The following KCNQ1 variants were observed in gnomAD, a reference collection of about 807,000 sequenced individuals.
KCNQ1 encodes the protein potassium voltage-gated channel subfamily KQT member 1.
In KCNQ1, 49 loss-of-function variants were observed where a neutral mutation model predicts 72.4. The ratio of observed to expected loss-of-function variants is 0.68; its 90% CI spans 0.54 to 0.86. The LOEUF is 0.86. Ranked by LOEUF, KCNQ1 falls within the 40% of genes least tolerant of loss-of-function variation. The pLI, the probability that KCNQ1 is intolerant of heterozygous loss-of-function variation, is 0.00. For synonymous variants in KCNQ1, 450 were observed against 412.6 expected, an observed-to-expected ratio of 1.09 and a Z score of -1.10; for missense variants, 790 against 945.1, an observed-to-expected ratio of 0.84 and a Z score of 2.15.
rs1849232499 is a variant in KCNQ1, at chr11:2,624,596, T to C, written c.1393+35742T>C. 3.0e-5 allele frequency: 12 copies of C among 398,400 alleles called. No homozygotes were observed. Among genetic ancestry groups the C allele is most frequent in the Non-Finnish European group, 5.3e-5 (12 of 226,042 alleles). The allele number at this position is 398,400 out of a possible 1,614,324, so 24.7% of individuals were successfully genotyped here. On this transcript the variant is annotated intron_variant, in intron 10 of 15. Transcript: ENST00000155840. The surrounding 1 kb of genome is among the most constrained non-coding windows in gnomAD (Gnocchi z 4.9). ...GGCAAAATACACTTAACATAAAAAT[T>C]ACCATCCTAACCAATTTTAGTGTAC...
intron 11 of KCNQ1, among the ~76,000 whole-genome samples, chr11:2,742,024 T>A (rs763769798): frequency 6.6e-6 from 1 of 152,232 alleles, no homozygotes; most frequent in Non-Finnish European, 1.5e-5. Flanking sequence ...TGAGTCAGCG[T>A]TGACTGTTTA....
rs563328539 is a variant in KCNQ1, at chr11:2,724,820, G to A, written c.1515-44024G>A. 4.5e-4 allele frequency among the ~76,000 whole-genome samples: 68 copies of A among 152,326 alleles called. No individual in the cohort carries two copies. The highest frequency in any genetic ancestry group is 8.1e-4 in the Non-Finnish European group (55 of 68,032). On this transcript the variant is annotated intron_variant, in intron 11 of 15. Transcript: ENST00000155840. This position sits in a 1 kb window ranked among gnomAD's most constrained non-coding sequence, Gnocchi z 6.8. ...CACTGGGCTGAAGCTTCTGGCCATC[G>A]TATGGAGCTGGAACAAGGCACTGGA...
At chr11:2,630,172 TGA>T (rs1366191213) in intron 10 of KCNQ1, 2 of 398,250 alleles carry the variant, frequency 5.0e-6, no homozygotes, top group African/African-American at 2.1e-5. Context: ...CTTATCAAAA[TGA>T]TTGTATGATT....
chr11:2,589,506 G>A lies in KCNQ1; in HGVS notation c.1393+652G>A, dbSNP rs994329171. Among the ~76,000 whole-genome samples the A allele has an allele frequency of 2.6e-5, 4 of 152,202 alleles. No homozygotes were observed. The East Asian group carries it at 5.8e-4, about 22-fold the overall frequency. ...TGAGGGGTTTTACCCACGCTAACTC[G>A]TAAGCGTGGCTCTTTGACAGATGTG... On this transcript the variant is annotated intron_variant, in intron 10 of 15. Coordinates refer to ENST00000155840, the MANE Select transcript of KCNQ1 (RefSeq NM_000218.3).
At position 2,845,025 on chromosome 11, in the gene KCNQ1, G is replaced by A. The variant is rs527568851; in HGVS notation, c.1795-2742G>A. Reference sequence around the variant, plus strand: ...TGCACCTTTGATCTGCTACGCTCTCGTAGGTCTCTGGGCCTCAGTTTCCTC... The same window carrying A: ...TGCACCTTTGATCTGCTACGCTCTCATAGGTCTCTGGGCCTCAGTTTCCTC... On this transcript the variant is annotated intron_variant, in intron 15 of 15. Transcript: ENST00000155840. Among the ~76,000 whole-genome samples the A allele has an allele frequency of 5.3e-5, 8 of 152,134 alleles. No individual in the cohort carries two copies. The East Asian group carries it at 5.8e-4, about 11-fold the overall frequency.
intron 1 of KCNQ1, among the ~76,000 whole-genome samples, chr11:2,449,366 G>A (rs1846091542): frequency 6.6e-6 from 1 of 152,190 alleles, no homozygotes; most frequent in African/African-American, 2.4e-5. Context: ...TATAACGTGC[G>A]GGCTGCGTTG....
rs572963238 is a variant in KCNQ1 at position 2,758,635 on chromosome 11, G to C, written c.1515-10209G>C. On this transcript the variant is annotated intron_variant, in intron 11 of 15. Coordinates refer to ENST00000155840, the MANE Select transcript of KCNQ1 (RefSeq NM_000218.3). ...TTTATAGAAGCTTTATTCCTAACTA[G>C]CTGAAAGCTGAGAACAATCTATGTA... Among the ~76,000 whole-genome samples the C allele has an allele frequency of 4.6e-5, 7 of 152,304 alleles. No homozygotes were observed. The South Asian group carries it at 1.4e-3, about 32-fold the overall frequency.
intron 11 of KCNQ1, chr11:2,665,318 G>A (rs1166397877): frequency 2.5e-6 from 1 of 398,206 alleles, no homozygotes; most frequent in Non-Finnish European, 4.4e-6. Flanking sequence ...AGAGAAAGGT[G>A]GGAAGTAGAG....
intron 10 of KCNQ1, among the ~76,000 whole-genome samples, chr11:2,607,912 G>A (rs1589978789): frequency 6.6e-6 from 1 of 152,018 alleles, no homozygotes. Context: ...CACAGTTATT[G>A]TAATGAAATA....
chr11:2,657,805 T>C lies in KCNQ1; in HGVS notation c.1394-4156T>C. On this transcript the variant is annotated intron_variant, in intron 10 of 15. Transcript: ENST00000155840. The surrounding 1 kb of genome is among the most constrained non-coding windows in gnomAD (Gnocchi z 4.8). ...TTGAAGAATACCAGTCAGGTGTCATTGTCCCTCAGTTTGGATTTGTCTGGT... is the reference window on the plus strand; with the variant it reads ...TTGAAGAATACCAGTCAGGTGTCATCGTCCCTCAGTTTGGATTTGTCTGGT... 1 of 398,626 alleles carries C rather than the reference T, an allele frequency of 2.5e-6. No homozygotes were observed. The highest frequency in any genetic ancestry group is 3.6e-5 in the East Asian group (1 of 28,082). 24.7% of individuals were successfully genotyped at this position (398,626 alleles called of 1,614,324 possible).
intron 1 of KCNQ1, among the ~76,000 whole-genome samples, chr11:2,519,864 C>T (rs548413879): frequency 5.8e-4 from 89 of 152,224 alleles, no homozygotes; most frequent in South Asian, 2.5e-3. Context: ...CTGAGGGTCC[C>T]GAGAGGCGTG....
chr11:2,452,698 A>G (rs1332741458), intron 1 of KCNQ1, among the ~76,000 whole-genome samples: 1 of 152,222 alleles, frequency 6.6e-6, no homozygotes, highest in Non-Finnish European at 1.5e-5. Flanking sequence ...TGGCTCAAAT[A>G]TTATAAAACA....
chr11:2,821,967 G>A (rs1234679941), intron 15 of KCNQ1, among the ~76,000 whole-genome samples: 1 of 152,156 alleles, frequency 6.6e-6, no homozygotes, highest in Non-Finnish European at 1.5e-5. Context: ...CAGAGATGGG[G>A]AGATGATCCT....
intron 11 of KCNQ1, among the ~76,000 whole-genome samples, chr11:2,731,278 G>C (rs530594073): frequency 1.3e-5 from 2 of 152,344 alleles, no homozygotes; most frequent in Admixed American, 1.3e-4. Context: ...AATCCAAGGG[G>C]CCTCACCGCC....
intron 11 of KCNQ1, among the ~76,000 whole-genome samples, chr11:2,719,070 G>T (rs1851156845): frequency 6.6e-6 from 1 of 152,222 alleles, no homozygotes; most frequent in African/African-American, 2.4e-5. Flanking sequence ...GCTGGGGCAG[G>T]AGGCCCTGTG....
intron 11 of KCNQ1, among the ~76,000 whole-genome samples, chr11:2,727,907 G>T (rs975743431): frequency 6.6e-6 from 1 of 152,148 alleles, no homozygotes; most frequent in Non-Finnish European, 1.5e-5. Context: ...GGCAGAGGGA[G>T]CATCTGATGG....
chr11:2,690,060 T>G lies in KCNQ1; in HGVS notation c.1514+27979T>G. ...CTGCCTCTCCTCCCCTCTCCTAGCC[T>G]GCTTCTGTCTGGGCTGAAGGCACAG... On this transcript the variant is annotated intron_variant, in intron 11 of 15. Coordinates refer to ENST00000155840, the MANE Select transcript of KCNQ1 (RefSeq NM_000218.3). This position sits in a 1 kb window ranked among gnomAD's most constrained non-coding sequence, Gnocchi z 5.1. 1 of 398,890 alleles carries G rather than the reference T, an allele frequency of 2.5e-6. No homozygotes were observed. The highest frequency in any genetic ancestry group is 3.6e-5 in the East Asian group (1 of 28,074). The allele number at this position is 398,890 out of a possible 1,614,324, so 24.7% of individuals were successfully genotyped here.
Position 2,588,658 on chromosome 11 carries a change from A to G in KCNQ1, c.1252-55A>G. The G allele has an allele frequency of 1.9e-6, 3 of 1,606,838 alleles. No homozygotes were observed. The highest frequency in any genetic ancestry group is 2.5e-6 in the Non-Finnish European group (3 of 1,177,320). On this transcript the variant is annotated intron_variant, in intron 9 of 15. Transcript: ENST00000155840. This position sits in a 1 kb window ranked among gnomAD's most constrained non-coding sequence, Gnocchi z 5.6. ...TGCACAGGCACTCTGGGGCCGGCGTAGGGCCTGGCAGACGATGTCCAGGAA... is the reference window on the plus strand; with the variant it reads ...TGCACAGGCACTCTGGGGCCGGCGTGGGGCCTGGCAGACGATGTCCAGGAA...
rs1391484814 is a variant in KCNQ1, at chr11:2,627,098, C to G, written c.1394-34863C>G. 3 of 398,358 alleles carry G rather than the reference C, an allele frequency of 7.5e-6. No individual in the cohort carries two copies. The highest frequency in any genetic ancestry group is 3.6e-5 in the East Asian group (1 of 28,072). The allele number at this position is 398,358 out of a possible 1,614,324, so 24.7% of individuals were successfully genotyped here. On this transcript the variant is annotated intron_variant, in intron 10 of 15. Transcript: ENST00000155840. The surrounding 1 kb of genome is among the most constrained non-coding windows in gnomAD (Gnocchi z 4.9). Reference sequence around the variant, plus strand: ...TTATGTCTACTTTAATTTCTTTCAGCATTGTTTTGTAATTTTCATTGTACA... The same window carrying G: ...TTATGTCTACTTTAATTTCTTTCAGGATTGTTTTGTAATTTTCATTGTACA...
Sources: allele counts gnomAD v4.1 joint callset (sites outside exome capture counted in the v4.1 genomes callset), GRCh38; gene constraint gnomAD v4.1.1; non-coding constraint Gnocchi (gnomAD v3.1); transcripts MANE v1.5; gene names NCBI Gene and HGNC (gene_info 2026-07-23, HGNC 2026-07-21).